Variants in PDGFD observed in about 807,000 individuals in gnomAD.
PDGFD encodes platelet derived growth factor D, also known as platelet-derived growth factor D.
In PDGFD, 30 loss-of-function variants were observed where a neutral mutation model predicts 44.7. The ratio of observed to expected loss-of-function variants is 0.67; its 90% confidence interval spans 0.50 to 0.91. The LOEUF (loss-of-function observed/expected upper bound fraction) is 0.91, where lower values mean the gene tolerates loss of function less well. PDGFD is among the 40% of genes least tolerant of loss of function. PDGFD has a pLI of 0.00. For missense variants in PDGFD, 445 were observed against 457.8 expected (o/e 0.97, Z 0.25); for synonymous variants, 173 against 168.4 (o/e 1.03, Z -0.21).
chr11:103,993,181 C>T (rs1859485311), intron 3 of PDGFD, among the ~76,000 whole-genome samples: 1 of 152,130 alleles, frequency 6.6e-6, no homozygotes, highest in African/African-American at 2.4e-5. Context: ...AGTCCTCCAG[C>T]TTCAGCCTCT....
intron 1 of PDGFD, among the ~76,000 whole-genome samples, chr11:104,106,098 CTT>C (rs1434228733): frequency 3.9e-5 from 6 of 152,026 alleles, no homozygotes; most frequent in Non-Finnish European, 8.8e-5. Flanking sequence ...ATATTAGAAA[CTT>C]ATATTTCTGA....
chr11:104,057,014 G>C (rs1170375910), intron 1 of PDGFD, among the ~76,000 whole-genome samples: 1 of 152,106 alleles, frequency 6.6e-6, no homozygotes, highest in Admixed American at 6.5e-5. Context: ...TGCAGTCCCA[G>C]CTACTCGGGA....
At chr11:103,963,552 GTA>G (rs1484416334) in intron 3 of PDGFD, among the ~76,000 whole-genome samples, 6 of 152,118 alleles carry the variant, frequency 3.9e-5, no homozygotes, top group African/African-American at 1.4e-4. Flanking sequence ...CCCCAGCAAA[GTA>G]TTGAGTGCCT....
At chr11:104,064,448 T>C (rs141818529) in intron 1 of PDGFD, among the ~76,000 whole-genome samples, 4 of 152,314 alleles carry the variant, frequency 2.6e-5, no homozygotes, top group Non-Finnish European at 5.9e-5. Flanking sequence ...GCATTCATAA[T>C]ACCCTTGCTC....
chr11:103,957,474 A>G (rs1858869990), intron 3 of PDGFD, among the ~76,000 whole-genome samples: 1 of 152,218 alleles, frequency 6.6e-6, no homozygotes, highest in Admixed American at 6.5e-5. Flanking sequence ...CTATACTACA[A>G]GGCTACAGTA....
chr11:104,015,623 G>A (rs943854255), intron 1 of PDGFD, among the ~76,000 whole-genome samples: 7 of 152,140 alleles, frequency 4.6e-5, no homozygotes, highest in African/African-American at 1.7e-4. Context: ...GCCTACATAT[G>A]TCTTTACATT....
At chr11:104,121,890 T>C (rs1333201584) in intron 1 of PDGFD, among the ~76,000 whole-genome samples, 2 of 152,036 alleles carry the variant, frequency 1.3e-5, no homozygotes, top group African/African-American at 4.8e-5. Flanking sequence ...CTTCAAAAAA[T>C]CCTTTTTGGA....
At chr11:103,997,004 T>C (rs1252554324) in intron 2 of PDGFD, among the ~76,000 whole-genome samples, 1 of 152,206 alleles carries the variant, frequency 6.6e-6, no homozygotes, top group Non-Finnish European at 1.5e-5. Context: ...TGTGGGCATT[T>C]GGTCTTCAAA....
At chr11:104,011,282 A>C (rs146796617) in intron 1 of PDGFD, among the ~76,000 whole-genome samples, 23 of 152,230 alleles carry the variant, frequency 1.5e-4, no homozygotes, top group Non-Finnish European at 2.2e-4. Flanking sequence ...GAGAAAGCTG[A>C]GAGTTAGTTT....
intron 1 of PDGFD, among the ~76,000 whole-genome samples, chr11:104,097,625 A>G (rs1422721647): frequency 6.6e-6 from 1 of 152,202 alleles, no homozygotes; most frequent in Non-Finnish European, 1.5e-5. Context: ...AGAGATAATA[A>G]TAACTTATAT....
chr11:103,912,070 A>G (rs1297774236), intron 6 of PDGFD, among the ~76,000 whole-genome samples: 1 of 152,210 alleles, frequency 6.6e-6, no homozygotes, highest in Non-Finnish European at 1.5e-5. Context: ...GGTATTATCC[A>G]GGAGAATTTC....
chr11:104,097,360 C>G (rs1302352965), intron 1 of PDGFD, among the ~76,000 whole-genome samples: 1 of 152,108 alleles, frequency 6.6e-6, no homozygotes, highest in East Asian at 1.9e-4. Context: ...ACAAGGATTT[C>G]CAATCCTTTA....
In PDGFD at chr11:103,947,251, T is replaced by C. The variant is rs148042769; in HGVS notation, c.573+411A>G. 3.5e-4 allele frequency among the ~76,000 whole-genome samples: 54 copies of C among 152,318 alleles called. No individual in the cohort carries two copies. The East Asian group carries it at 8.5e-3, about 24-fold the overall frequency. ...TGTAAACATTGGGATTTTTCAAGTCTGAAAAGACCCTTGAAAATGCAAAGG... is the reference window on the plus strand; with the variant it reads ...TGTAAACATTGGGATTTTTCAAGTCCGAAAAGACCCTTGAAAATGCAAAGG... On this transcript the variant is annotated intron_variant, in intron 4 of 6. Transcript: ENST00000393158.
intron 1 of PDGFD, among the ~76,000 whole-genome samples, chr11:104,146,865 G>C (rs1284512380): frequency 6.6e-6 from 1 of 151,894 alleles, no homozygotes; most frequent in East Asian, 1.9e-4. Flanking sequence ...ATACAGTAGG[G>C]AATAAAACAG....
At chr11:104,161,950 A>AGAGTGT (rs142168784) in intron 1 of PDGFD, among the ~76,000 whole-genome samples, 1 of 148,908 alleles carries the variant, frequency 6.7e-6, no homozygotes, top group African/African-American at 2.5e-5. Context: ...AATCAAAGAG[A>AGAGTGT]GTGTGTGTGT....
At chr11:103,936,190 G>A (rs1407447444) in intron 5 of PDGFD, among the ~76,000 whole-genome samples, 1 of 152,100 alleles carries the variant, frequency 6.6e-6, no homozygotes, top group African/African-American at 2.4e-5. Context: ...ATCTACTGAT[G>A]TCACCAGTAC....
intron 5 of PDGFD, among the ~76,000 whole-genome samples, chr11:103,933,953 A>C (rs377381139): frequency 6.6e-6 from 1 of 152,204 alleles, no homozygotes; most frequent in Non-Finnish European, 1.5e-5. Context: ...ACCTGGGGTG[A>C]TGTATAAAGC....
chr11:103,941,307 T>C (rs973516297), intron 5 of PDGFD, among the ~76,000 whole-genome samples: 7 of 151,938 alleles, frequency 4.6e-5, no homozygotes, highest in African/African-American at 1.7e-4. Flanking sequence ...CAGATCCTCT[T>C]AGAGGAAACA....
At chr11:104,001,376 A>G (rs1859617489) in intron 1 of PDGFD, among the ~76,000 whole-genome samples, 1 of 152,220 alleles carries the variant, frequency 6.6e-6, no homozygotes, top group African/African-American at 2.4e-5. Context: ...GTCCTAATTT[A>G]TATCCTTTAT....
Sources: gnomAD v4.1 joint callset for allele counts (sites outside exome capture counted in the v4.1 genomes callset) on GRCh38, gnomAD v4.1.1 for gene constraint, MANE v1.5 for transcripts, NCBI Gene and HGNC (gene_info 2026-07-23, HGNC 2026-07-21) for gene names.